The following DZIP1 variants were observed in gnomAD, a reference collection of about 807,000 sequenced individuals.
The protein encoded by DZIP1 is DAZ interacting zinc finger protein 1.
In DZIP1, 97 loss-of-function variants were observed where a neutral mutation model predicts 107.6. The ratio of observed to expected loss-of-function variants is 0.90; its 90% CI spans 0.77 to 1.07. DZIP1 has a LOEUF of 1.07. Ranked by LOEUF, DZIP1 falls within the 50% of genes least tolerant of loss-of-function variation. The pLI is 0.00. For synonymous variants in DZIP1, 390 were observed against 386.4 expected (o/e 1.01, Z -0.11); for missense variants, 1,035 against 1,063.6 (o/e 0.97, Z 0.37).
chr13:95,596,791 T>C (rs2044468798), intron 15 of DZIP1, among the ~76,000 whole-genome samples: 1 of 152,228 alleles, frequency 6.6e-6, no homozygotes, highest in East Asian at 1.9e-4. Context: ...AATTACTTCT[T>C]AGTAAAAGCC....
At chr13:95,624,972 A>C (rs201219058) in intron 7 of DZIP1, 43 bp from the exon 8 acceptor site, 2 of 1,502,608 alleles carry the variant, frequency 1.3e-6, no homozygotes, top group Admixed American at 2.2e-5. Flanking sequence ...TCTGGTCTGA[A>C]GAAAATAAGC....
At chr13:95,621,955 G>A (rs577842732) in intron 9 of DZIP1, among the ~76,000 whole-genome samples, 34 of 152,030 alleles carry the variant, frequency 2.2e-4, no homozygotes, top group African/African-American at 7.5e-4. Context: ...GTGAAACCCC[G>A]TTTCTACTAA....
At chr13:95,637,312 A>G (rs1187163998) in intron 5 of DZIP1, 2 of 152,220 alleles carry the variant, frequency 1.3e-5, no homozygotes, top group East Asian at 3.8e-4. Flanking sequence ...AGAGAATGTG[A>G]ATGTTACCAA....
chr13:95,635,726 C>T (rs957188422), intron 5 of DZIP1, among the ~76,000 whole-genome samples: 2 of 152,138 alleles, frequency 1.3e-5, no homozygotes, highest in Non-Finnish European at 2.9e-5. Context: ...TCACATGTTG[C>T]CAGAAGGTGT....
intron 9 of DZIP1, among the ~76,000 whole-genome samples, chr13:95,620,502 A>G (rs373205258): frequency 2.0e-5 from 3 of 152,220 alleles, no homozygotes; most frequent in Admixed American, 1.3e-4. Flanking sequence ...ATCTTTTACC[A>G]TAAGGCAGGG....
chr13:95,610,301 AAG>A (rs1276299536), intron 12 of DZIP1, among the ~76,000 whole-genome samples: 2 of 145,456 alleles, frequency 1.4e-5, no homozygotes, highest in Non-Finnish European at 3.1e-5. Context: ...TAGAATAATT[AAG>A]AGTTTTTTGG....
In DZIP1 at chr13:95,624,890, T is replaced by C. The variant is rs1271134995; in HGVS notation, c.850A>G (p.Lys284Glu). The C allele has an allele frequency of 6.2e-7, 1 of 1,609,784 alleles. No individual in the cohort carries two copies. The highest frequency in any genetic ancestry group is 2.2e-5 in the East Asian group (1 of 44,768). ...MQKTKEEDFL[K>E]LFDRWKEEEK... ...TCTTCTTTCCACCTGTCAAATAACT[T>C]CAAAAAGTCTTCCTCTTTTGTTTTC... is the stretch of plus-strand genomic sequence containing the variant. The change falls in exon 8 of 23, where the codon AAG becomes GAG. Residue 284 changes from lysine (K) to glutamate (E), a missense_variant. Physicochemically the swap from Lys to Glu is moderately conservative, Grantham distance 56. Coordinates refer to ENST00000376829, the MANE Select transcript of DZIP1 (RefSeq NM_198968.4).
intron 20 of DZIP1, 123 bp downstream of exon 20, chr13:95,587,416 G>T: frequency 7.5e-7 from 1 of 1,338,046 alleles, no homozygotes; most frequent in Non-Finnish European, 1.0e-6. Context: ...GGGTGCCTTT[G>T]GGATCCGCTG....
intron 16 of DZIP1, among the ~76,000 whole-genome samples, chr13:95,590,797 C>G (rs2044290925): frequency 6.6e-6 from 1 of 152,142 alleles, no homozygotes; most frequent in South Asian, 2.1e-4. Flanking sequence ...CAGGTGGAGT[C>G]AAACAAGTAA....
intron 15 of DZIP1, among the ~76,000 whole-genome samples, chr13:95,598,372 CAA>C (rs1281364955): frequency 6.6e-6 from 1 of 151,958 alleles, no homozygotes; most frequent in Non-Finnish European, 1.5e-5. Flanking sequence ...ATAAAAATAT[CAA>C]AAAGTTACTG....
At chr13:95,597,871 G>A (rs1405717187) in intron 15 of DZIP1, among the ~76,000 whole-genome samples, 2 of 152,216 alleles carry the variant, frequency 1.3e-5, no homozygotes, top group African/African-American at 4.8e-5. Context: ...CTGTACAATA[G>A]TTGCTAATAG....
chr13:95,639,950 C>A (rs1878288585), intron 5 of DZIP1, among the ~76,000 whole-genome samples: 1 of 151,648 alleles, frequency 6.6e-6, no homozygotes, highest in Non-Finnish European at 1.5e-5. Flanking sequence ...ACACTAAGTC[C>A]TTCTAATAAT....
chr13:95,640,116 C>G lies in DZIP1; in HGVS notation c.597+1179G>C, dbSNP rs559094092. 4.2e-3 allele frequency among the ~76,000 whole-genome samples: 645 copies of G among 152,170 alleles called. 2 individuals are homozygous for G. The highest frequency in any genetic ancestry group is 0.015 in the African/African-American group (603 of 41,514). The stretch of plus-strand genomic sequence containing the variant: ...TAAGCGATTCTCCTGCCTCAGCCTC[C>G]CAAGTAGCTGGGACTACAGGCACAT... On this transcript the variant is annotated intron_variant, in intron 5 of 22. Transcript: ENST00000376829.
At chr13:95,627,341 TCTACATGCAAAAATTAA>T (rs1158100729) in intron 7 of DZIP1, among the ~76,000 whole-genome samples, 1 of 152,144 alleles carries the variant, frequency 6.6e-6, no homozygotes, top group Non-Finnish European at 1.5e-5. Context: ...CCTCTCTCAA[TCTACATGCAAAAATTAA>T]CTCAAAATAG....
intron 9 of DZIP1, among the ~76,000 whole-genome samples, chr13:95,620,544 A>G (rs147808212): frequency 6.6e-6 from 1 of 152,220 alleles, no homozygotes; most frequent in Non-Finnish European, 1.5e-5. Context: ...AGGAGCTAAC[A>G]GTAAATATCA....
Position 95,593,077 on chromosome 13 carries a change from T to A in DZIP1, c.1680+867A>T, listed in dbSNP as rs527863294. On this transcript the variant is annotated intron_variant, in intron 16 of 22. Coordinates refer to ENST00000376829, the MANE Select transcript of DZIP1 (RefSeq NM_198968.4). ...ACACATCCATGTACATACAAATCCA[T>A]CTATATAGATAAAATTATGCAAACA... Among the ~76,000 whole-genome samples the A allele has an allele frequency of 1.4e-4, 22 of 152,304 alleles. 1 individual carries two copies. The highest frequency in any genetic ancestry group is 4.8e-4 in the African/African-American group (20 of 41,556).
chr13:95,594,484 A>C (rs1335759093), intron 15 of DZIP1, among the ~76,000 whole-genome samples: 1 of 152,162 alleles, frequency 6.6e-6, no homozygotes, highest in East Asian at 1.9e-4. Flanking sequence ...TATGAAGAAA[A>C]AGCCCAATTT....
chr13:95,597,191 C>T (rs1172642339), intron 15 of DZIP1, among the ~76,000 whole-genome samples: 1 of 152,244 alleles, frequency 6.6e-6, no homozygotes, highest in African/African-American at 2.4e-5. Flanking sequence ...AAATCTGGAA[C>T]TGGAAGTTAC....
rs373101554 is a variant in DZIP1, at chr13:95,590,817, G to T, written c.1681-376C>A. On this transcript the variant is annotated intron_variant, in intron 16 of 22. Coordinates refer to ENST00000376829, the MANE Select transcript of DZIP1 (RefSeq NM_198968.4). The stretch of plus-strand genomic sequence containing the variant: ...GGAGTCAAACAAGTAAAAACAAGGA[G>T]AAATTTCCAGATGGGTAGGCATGAG... Among the ~76,000 whole-genome samples the T allele has an allele frequency of 2.9e-3, 448 of 152,300 alleles. 3 individuals are homozygous for T. Among genetic ancestry groups the T allele is most frequent in the African/African-American group, 0.01 (431 of 41,570 alleles).
Sources: allele counts gnomAD v4.1 joint callset (sites outside exome capture counted in the v4.1 genomes callset), GRCh38; gene constraint gnomAD v4.1.1; transcripts MANE v1.5; gene names NCBI Gene and HGNC (gene_info 2026-07-23, HGNC 2026-07-21).